The following PCDH9 variants were observed in gnomAD, a reference collection of about 807,000 sequenced individuals.
The protein encoded by PCDH9 is protocadherin-9.
A neutral mutation model predicts 70.6 loss-of-function variants in PCDH9; 24 were observed. The ratio of observed to expected loss-of-function variants is 0.34; its 90% CI spans 0.25 to 0.48. The LOEUF is 0.48. PCDH9 is among the 20% of genes least tolerant of loss of function. The pLI is 0.99. For synonymous variants in PCDH9, 562 were observed against 558.5 expected, an observed-to-expected ratio of 1.01 and a Z score of -0.09; for missense variants, 1,281 against 1,503.6, an observed-to-expected ratio of 0.85 and a Z score of 2.45.
At chr13:66,452,580 C>A (rs1191551176) in intron 4 of PCDH9, among the ~76,000 whole-genome samples, 1 of 152,052 alleles carries the variant, frequency 6.6e-6, no homozygotes, top group African/African-American at 2.4e-5. Context: ...TTCTCTATGT[C>A]CAGATTGCTG....
In PCDH9 at chr13:66,326,961, T is replaced by C. The variant is rs1394752722; in HGVS notation, c.3341-21933A>G. ...GCACAATACTTATAATCTGGGCTTC[T>C]TGCCTCCAAACGATGAGGGTTTTTT... On this transcript the variant is annotated intron_variant, in intron 4 of 4. Transcript: ENST00000377865. Among the ~76,000 whole-genome samples, 3 of 151,846 alleles carry C rather than the reference T, an allele frequency of 2.0e-5. No individual in the cohort carries two copies. In the East Asian group the frequency reaches 5.8e-4, roughly 29 times the overall value.
intron 3 of PCDH9, among the ~76,000 whole-genome samples, chr13:66,650,725 A>C (rs1388594140): frequency 6.6e-6 from 1 of 151,978 alleles, no homozygotes; most frequent in Non-Finnish European, 1.5e-5. Flanking sequence ...ACAGCTGCAA[A>C]ATACACATTA....
At chr13:66,621,959 A>C (rs1341197489) in intron 4 of PCDH9, among the ~76,000 whole-genome samples, 2 of 152,218 alleles carry the variant, frequency 1.3e-5, no homozygotes, top group Non-Finnish European at 2.9e-5. Context: ...AAGAAGCGCC[A>C]GCGGGAACCG....
intron 2 of PCDH9, chr13:67,001,853 A>C (rs2084251792): frequency 6.6e-6 from 1 of 152,216 alleles, no homozygotes. Context: ...CAGTACAGGT[A>C]ACTACACGGC....
chr13:67,193,658 A>G (rs537879785), intron 2 of PCDH9, among the ~76,000 whole-genome samples: 1 of 152,070 alleles, frequency 6.6e-6, no homozygotes, highest in African/African-American at 2.4e-5. Context: ...ATTACCTTGG[A>G]TGTATATTCT....
intron 2 of PCDH9, among the ~76,000 whole-genome samples, chr13:67,129,754 A>G (rs1465628794): frequency 2.6e-5 from 4 of 152,042 alleles, no homozygotes; most frequent in African/African-American, 9.7e-5. Context: ...TCCAGACACT[A>G]CAAGACACTA....
intron 2 of PCDH9, among the ~76,000 whole-genome samples, chr13:67,181,328 C>T (rs909077287): frequency 2.0e-5 from 3 of 151,990 alleles, no homozygotes; most frequent in East Asian, 1.9e-4. Flanking sequence ...AAGAAGCTAT[C>T]GGTCTTAGTT....
intron 4 of PCDH9, among the ~76,000 whole-genome samples, chr13:66,390,131 C>T (rs994812670): frequency 3.3e-5 from 5 of 152,100 alleles, no homozygotes; most frequent in South Asian, 2.1e-4. Context: ...CTAAAATTCA[C>T]GTATCTGTTC....
chr13:67,095,856 T>A (rs9529183), intron 2 of PCDH9, among the ~76,000 whole-genome samples: 1 of 152,072 alleles, frequency 6.6e-6, no homozygotes, highest in African/African-American at 2.4e-5. Flanking sequence ...ATAACTACAG[T>A]TAGGATTTTG....
chr13:66,653,836 C>T lies in PCDH9; in HGVS notation c.3139-22425G>A, dbSNP rs190738002. 5.9e-4 allele frequency among the ~76,000 whole-genome samples: 90 copies of T among 151,948 alleles called. No homozygotes were observed. The East Asian group carries it at 0.015, about 26-fold the overall frequency. ...CAAAAAAATTAGCTAGGCGTGGTGG[C>T]GGGCTCCTGTAGTCCCAGCTACTTG... is the stretch of plus-strand genomic sequence containing the variant. On this transcript the variant is annotated intron_variant, in intron 3 of 4. Transcript: ENST00000377865.
At chr13:67,015,661 C>T (rs944979450) in intron 2 of PCDH9, among the ~76,000 whole-genome samples, 18 of 152,278 alleles carry the variant, frequency 1.2e-4, no homozygotes, top group African/African-American at 4.1e-4. Flanking sequence ...ATTCAAAAGG[C>T]TTAAAAACTT....
At chr13:66,388,683 G>T (rs959023956) in intron 4 of PCDH9, among the ~76,000 whole-genome samples, 5 of 151,996 alleles carry the variant, frequency 3.3e-5, no homozygotes, top group African/African-American at 1.2e-4. Context: ...GTATTTTGAG[G>T]GTAAAAATGT....
At chr13:66,577,034 C>A (rs1273529912) in intron 4 of PCDH9, among the ~76,000 whole-genome samples, 1 of 151,756 alleles carries the variant, frequency 6.6e-6, no homozygotes. Context: ...AACACAAAAT[C>A]TCATGGAAAA....
intron 4 of PCDH9, among the ~76,000 whole-genome samples, chr13:66,564,540 G>T (rs144507204): frequency 1.3e-5 from 2 of 152,180 alleles, no homozygotes; most frequent in East Asian, 3.9e-4. Flanking sequence ...GCTGATAACA[G>T]AGAAATGGGA....
chr13:66,512,327 C>T (rs946933788), intron 4 of PCDH9, among the ~76,000 whole-genome samples: 3 of 148,090 alleles, frequency 2.0e-5, no homozygotes, highest in Non-Finnish European at 3.0e-5. Flanking sequence ...TCATGAGAAG[C>T]GAGCTATTAA....
At chr13:67,117,879 G>C (rs1253181387) in intron 2 of PCDH9, among the ~76,000 whole-genome samples, 3 of 152,118 alleles carry the variant, frequency 2.0e-5, no homozygotes, top group African/African-American at 7.2e-5. Context: ...GAACTACTCA[G>C]TGACTGTCCC....
intron 3 of PCDH9, among the ~76,000 whole-genome samples, chr13:66,632,354 A>G (rs2077582705): frequency 6.6e-6 from 1 of 152,372 alleles, no homozygotes; most frequent in African/African-American, 2.4e-5. Flanking sequence ...TGCAATTGCT[A>G]TTGATATACA....
chr13:67,095,431 C>T (rs116843472), intron 2 of PCDH9, among the ~76,000 whole-genome samples: 13,356 of 152,090 alleles, frequency 0.088, 713 homozygotes, highest in South Asian at 0.14. Flanking sequence ...TCAGTTCATA[C>T]GTTTATGTGG....
chr13:67,161,613 T>C (rs1257116390), intron 2 of PCDH9, among the ~76,000 whole-genome samples: 1 of 152,190 alleles, frequency 6.6e-6, no homozygotes, highest in Non-Finnish European at 1.5e-5. Context: ...TAGACTCACA[T>C]GCAGATCTAT....
Sources: allele counts gnomAD v4.1 joint callset (sites outside exome capture counted in the v4.1 genomes callset), GRCh38; gene constraint gnomAD v4.1.1; transcripts MANE v1.5; gene names NCBI Gene and HGNC (gene_info 2026-07-23, HGNC 2026-07-21).